Variants in LVRN observed in about 807,000 individuals in gnomAD.
LVRN encodes the protein aminopeptidase Q.
In LVRN, 99 loss-of-function variants were observed where a neutral mutation model predicts 111.4. The ratio of observed to expected loss-of-function variants is 0.89; its 90% CI spans 0.76 to 1.05. The LOEUF (loss-of-function observed/expected upper bound fraction) is 1.05. Ranked by LOEUF, LVRN falls within the 50% of genes least tolerant of loss-of-function variation. The probability of loss-of-function intolerance (pLI) is 0.00; values close to 1 mark genes in which losing one functional copy is unlikely to be tolerated. For missense variants in LVRN, 1,414 were observed against 1,206.8 expected, an observed-to-expected ratio of 1.17 and a Z score of -2.54; for synonymous variants, 488 against 449.5, an observed-to-expected ratio of 1.09 and a Z score of -1.08.
rs1403797708 is a variant in LVRN at position 116,004,049 on chromosome 5, T to G, written c.2037+669T>G. ...AAACGAGAATATTATTATATTTTAT[T>G]CATCATGAGGATTAGAGATCATGTA... On this transcript the variant is annotated intron_variant, in intron 12 of 19. Coordinates refer to ENST00000357872, the MANE Select transcript of LVRN (RefSeq NM_173800.5). Among the ~76,000 whole-genome samples the G allele has an allele frequency of 1.3e-5, 2 of 152,218 alleles. 1 individual carries two copies. The highest frequency in any genetic ancestry group is 2.9e-5 in the Non-Finnish European group (2 of 68,032).
chr5:115,999,967 T>C (rs1328551089), intron 7 of LVRN, 65 bp downstream of exon 7: 3 of 1,506,832 alleles, frequency 2.0e-6, no homozygotes, highest in African/African-American at 2.8e-5. Flanking sequence ...AAATGGATTC[T>C]AAGGGTCCTA....
intron 1 of LVRN, among the ~76,000 whole-genome samples, chr5:115,970,381 A>C (rs1158798211): frequency 7.2e-6 from 1 of 139,858 alleles, no homozygotes; most frequent in East Asian, 2.0e-4. Context: ...TTTGAAATAC[A>C]TTCTTTTTTT....
intron 7 of LVRN, 142 bp downstream of exon 7, chr5:116,000,044 A>G: frequency 1.0e-6 from 1 of 952,690 alleles, no homozygotes; most frequent in African/African-American, 1.7e-5. Flanking sequence ...TAGGTATCAG[A>G]AAACATGATT....
intron 18 of LVRN, among the ~76,000 whole-genome samples, chr5:116,016,097 C>T (rs1427863797): frequency 6.6e-6 from 1 of 152,202 alleles, no homozygotes; most frequent in East Asian, 1.9e-4. Flanking sequence ...ATGTTTCAGA[C>T]TCAAATTAAT....
At chr5:116,009,650 T>C (rs928177667) in intron 13 of LVRN, among the ~76,000 whole-genome samples, 1 of 152,140 alleles carries the variant, frequency 6.6e-6, no homozygotes, top group Non-Finnish European at 1.5e-5. Flanking sequence ...GGGGTTAAGA[T>C]TTCAGTAGAG....
At chr5:116,017,348 C>T (rs531793700) in intron 18 of LVRN, among the ~76,000 whole-genome samples, 25 of 152,302 alleles carry the variant, frequency 1.6e-4, no homozygotes, top group African/African-American at 6.0e-4. Flanking sequence ...TTGGTGATGT[C>T]TTGTTTCTAA....
chr5:116,011,614 C>T (rs908129870), intron 14 of LVRN, among the ~76,000 whole-genome samples: 4 of 152,194 alleles, frequency 2.6e-5, no homozygotes, highest in East Asian at 1.9e-4. Flanking sequence ...GGTGAGATCA[C>T]AAATACGTCT....
chr5:115,982,862 A>C (rs1293901107), intron 1 of LVRN, among the ~76,000 whole-genome samples: 1 of 148,018 alleles, frequency 6.8e-6, no homozygotes, highest in Non-Finnish European at 1.5e-5. Context: ...GCATGTGAGA[A>C]AAAGAAAAAA....
chr5:116,025,832 A>G, intron 19 of LVRN, 146 bp from the exon 20 acceptor site: 1 of 973,324 alleles, frequency 1.0e-6, no homozygotes, highest in East Asian at 2.6e-5. Context: ...CTCCCCAGGG[A>G]CACACAACCT....
intron 9 of LVRN, 33 bp from the exon 10 acceptor site, chr5:116,001,034 C>A: frequency 1.3e-6 from 2 of 1,566,094 alleles, no homozygotes; most frequent in Non-Finnish European, 8.6e-7. Flanking sequence ...CACGGATAAC[C>A]TTACCTGCCT....
At chr5:116,014,578 C>T (rs748618904) in intron 16 of LVRN, 51 bp downstream of exon 16, 31 of 1,460,446 alleles carry the variant, frequency 2.1e-5, no homozygotes, top group Non-Finnish European at 2.8e-5. Flanking sequence ...TTAGCACCAG[C>T]AATTTCCCTT....
At chr5:116,010,660 A>G (rs1242704998) in intron 13 of LVRN, 81 bp from the exon 14 acceptor site, 1 of 1,432,926 alleles carries the variant, frequency 7.0e-7, no homozygotes, top group East Asian at 2.4e-5. Context: ...CATGCATTGA[A>G]ACATGGAACA....
intron 1 of LVRN, chr5:115,974,623 C>A: frequency 6.4e-6 from 1 of 156,842 alleles, no homozygotes; most frequent in Non-Finnish European, 1.4e-5. Flanking sequence ...CTCTGGTTTG[C>A]TCTTTCCAAA....
chr5:115,988,180 C>T (rs1219122436), intron 4 of LVRN, among the ~76,000 whole-genome samples: 1 of 152,196 alleles, frequency 6.6e-6, no homozygotes, highest in Non-Finnish European at 1.5e-5. Context: ...TTTTAGGTCT[C>T]TCCTGGCTAC....
At chr5:115,973,944 A>G (rs1753381421) in intron 1 of LVRN, among the ~76,000 whole-genome samples, 1 of 152,118 alleles carries the variant, frequency 6.6e-6, no homozygotes, top group African/African-American at 2.4e-5. Context: ...GTAAATATGG[A>G]CTTTTTATTA....
intron 1 of LVRN, among the ~76,000 whole-genome samples, chr5:115,965,871 A>T (rs559604745): frequency 6.9e-4 from 105 of 152,196 alleles, no homozygotes; most frequent in African/African-American, 2.5e-3. Context: ...GAGTCAATTA[A>T]ACTCCTTTTC....
intron 3 of LVRN, among the ~76,000 whole-genome samples, chr5:115,986,731 A>G (rs2112576292): frequency 6.6e-6 from 1 of 152,368 alleles, no homozygotes; most frequent in South Asian, 2.1e-4. Context: ...GTGGCATGAG[A>G]ATAAACATAA....
At chr5:115,973,343 G>T (rs1257420906) in intron 1 of LVRN, among the ~76,000 whole-genome samples, 1 of 152,312 alleles carries the variant, frequency 6.6e-6, no homozygotes, top group African/African-American at 2.4e-5. Flanking sequence ...ATGTTCATGA[G>T]AGTTATGGAC....
At chr5:115,987,150 G>GT (rs1747887777) in intron 3 of LVRN, among the ~76,000 whole-genome samples, 1 of 151,900 alleles carries the variant, frequency 6.6e-6, no homozygotes, top group Non-Finnish European at 1.5e-5. Context: ...ACAATAGTGT[G>GT]GTCACACAAA....
Sources: gnomAD v4.1 joint callset for allele counts (sites outside exome capture counted in the v4.1 genomes callset) on GRCh38, gnomAD v4.1.1 for gene constraint, MANE v1.5 for transcripts, NCBI Gene and HGNC (gene_info 2026-07-23, HGNC 2026-07-21) for gene names.